Variants in CSMD1 observed in about 807,000 individuals in gnomAD.
The protein encoded by CSMD1 is CUB and sushi domain-containing protein 1.
A neutral mutation model predicts 417.5 loss-of-function variants in CSMD1; 213 were observed. The observed-to-expected ratio is 0.51, with a 90% CI of 0.46 to 0.57. The LOEUF (loss-of-function observed/expected upper bound fraction) is 0.57. Among genes scored for constraint, CSMD1 ranks in the 20% least tolerant of loss-of-function variants. The pLI is 0.00. For missense variants in CSMD1, 6,923 were observed against 4,529.7 expected (o/e 1.53, Z -15.17); for synonymous variants, 2,862 against 1,736.8 (o/e 1.65, Z -16.11).
intron 3 of CSMD1, among the ~76,000 whole-genome samples, chr8:4,064,590 G>T (rs1799147008): frequency 1.3e-5 from 2 of 152,184 alleles, no homozygotes; most frequent in Non-Finnish European, 2.9e-5. Context: ...TCATACAACT[G>T]CCGTTTCCGA....
chr8:4,341,151 T>G (rs1800454733), intron 3 of CSMD1, among the ~76,000 whole-genome samples: 1 of 152,060 alleles, frequency 6.6e-6, no homozygotes, highest in Non-Finnish European at 1.5e-5. Context: ...TCCAAGCATT[T>G]TGAATTAGTA....
At chr8:4,357,078 A>G (rs1205283543) in intron 3 of CSMD1, among the ~76,000 whole-genome samples, 1 of 152,230 alleles carries the variant, frequency 6.6e-6, no homozygotes, top group Non-Finnish European at 1.5e-5. Flanking sequence ...GAAGAATAAT[A>G]TGAATAATAC....
chr8:4,728,077 T>G (rs1253061229), intron 1 of CSMD1, among the ~76,000 whole-genome samples: 1 of 146,982 alleles, frequency 6.8e-6, no homozygotes. Context: ...AATGTATATG[T>G]TTGTAGGTAA....
chr8:4,591,560 G>A (rs1277160209), intron 2 of CSMD1, among the ~76,000 whole-genome samples: 1 of 152,172 alleles, frequency 6.6e-6, no homozygotes, highest in South Asian at 2.1e-4. Context: ...GGACTGTAGT[G>A]CAGGCTTCTC....
intron 37 of CSMD1, among the ~76,000 whole-genome samples, chr8:3,174,817 T>A (rs540845358): frequency 8.3e-4 from 126 of 152,292 alleles, no homozygotes; most frequent in African/African-American, 3.0e-3. Flanking sequence ...TTTTTTTTTA[T>A]TGTACACACT....
At chr8:3,869,427 C>A (rs939909292) in intron 5 of CSMD1, among the ~76,000 whole-genome samples, 7 of 152,142 alleles carry the variant, frequency 4.6e-5, no homozygotes, top group African/African-American at 1.7e-4. Context: ...TTTCTCCAAT[C>A]CTGTCCTGCC....
At chr8:3,794,060 A>C (rs1799901213) in intron 5 of CSMD1, among the ~76,000 whole-genome samples, 1 of 152,134 alleles carries the variant, frequency 6.6e-6, no homozygotes, top group South Asian at 2.1e-4. Context: ...ACCGTGTTCC[A>C]CCATCATTGG....
chr8:3,541,774 A>G (rs969770009), intron 10 of CSMD1, among the ~76,000 whole-genome samples: 1 of 150,628 alleles, frequency 6.6e-6, no homozygotes, highest in Non-Finnish European at 1.5e-5. Flanking sequence ...AATATCAACT[A>G]CAGCTGTTCT....
intron 2 of CSMD1, among the ~76,000 whole-genome samples, chr8:4,608,002 G>A (rs1800971856): frequency 6.6e-6 from 1 of 152,088 alleles, no homozygotes; most frequent in Non-Finnish European, 1.5e-5. Flanking sequence ...GTCAGAGAAG[G>A]CATCAGGGAT....
chr8:3,453,222 T>G (rs1815866029), intron 12 of CSMD1, among the ~76,000 whole-genome samples: 1 of 152,188 alleles, frequency 6.6e-6, no homozygotes, highest in Admixed American at 6.5e-5. Context: ...TTTATAGTCT[T>G]GCTAGCAGTC....
At chr8:4,641,202 G>A (rs1434907311) in intron 1 of CSMD1, among the ~76,000 whole-genome samples, 1 of 151,858 alleles carries the variant, frequency 6.6e-6, no homozygotes, top group Non-Finnish European at 1.5e-5. Flanking sequence ...TGTTTTTGCT[G>A]CTATAATTCA....
chr8:4,153,928 G>T (rs117890627), intron 3 of CSMD1, among the ~76,000 whole-genome samples: 1 of 152,222 alleles, frequency 6.6e-6, no homozygotes, highest in South Asian at 2.1e-4. Flanking sequence ...ACGAGGCACT[G>T]TGGATCCTGC....
chr8:4,128,177 C>T (rs919906259), intron 3 of CSMD1, among the ~76,000 whole-genome samples: 2 of 152,066 alleles, frequency 1.3e-5, no homozygotes, highest in Non-Finnish European at 2.9e-5. Flanking sequence ...GGTCGGGGAC[C>T]CCTGCGGAAA....
At chr8:4,115,352 C>A (rs951825993) in intron 3 of CSMD1, among the ~76,000 whole-genome samples, 2 of 152,286 alleles carry the variant, frequency 1.3e-5, no homozygotes, top group South Asian at 4.1e-4. Flanking sequence ...AATACTGTTG[C>A]ATAAAGGTTA....
At chr8:3,270,753 C>T (rs1801785030) in intron 26 of CSMD1, among the ~76,000 whole-genome samples, 1 of 152,028 alleles carries the variant, frequency 6.6e-6, no homozygotes, top group Non-Finnish European at 1.5e-5. Flanking sequence ...AGGAACTTTG[C>T]TATTTGTATT....
At chr8:3,929,357 C>T (rs1809976322) in intron 5 of CSMD1, among the ~76,000 whole-genome samples, 2 of 150,432 alleles carry the variant, frequency 1.3e-5, no homozygotes, top group East Asian at 2.0e-4. Flanking sequence ...TAATACTAGA[C>T]ATTATTTGAA....
chr8:4,225,596 G>C (rs771899632), intron 3 of CSMD1, among the ~76,000 whole-genome samples: 1 of 151,194 alleles, frequency 6.6e-6, no homozygotes, highest in Non-Finnish European at 1.5e-5. Context: ...TTTTATTTGG[G>C]AGGAAATATG....
intron 2 of CSMD1, among the ~76,000 whole-genome samples, chr8:4,432,846 T>C (rs78646962): frequency 6.6e-6 from 1 of 152,190 alleles, no homozygotes; most frequent in African/African-American, 2.4e-5. Flanking sequence ...CTCTGTTGTA[T>C]ACCAAGGGTC....
At chr8:4,301,495 T>C (rs753793087) in intron 3 of CSMD1, among the ~76,000 whole-genome samples, 4 of 152,196 alleles carry the variant, frequency 2.6e-5, no homozygotes, top group Non-Finnish European at 4.4e-5. Flanking sequence ...TTGCATAAGA[T>C]CTCTATTGAA....
Sources: gnomAD v4.1 joint callset for allele counts (sites outside exome capture counted in the v4.1 genomes callset) on GRCh38, gnomAD v4.1.1 for gene constraint, MANE v1.5 for transcripts, NCBI Gene and HGNC (gene_info 2026-07-23, HGNC 2026-07-21) for gene names.